Variants in PLXDC2 observed in about 807,000 individuals in gnomAD.
PLXDC2 encodes the protein plexin domain containing 2.
Under a neutral mutation model 68.9 loss-of-function variants are expected in PLXDC2, and 40 were observed. The ratio of observed to expected loss-of-function variants is 0.58; its 90% CI spans 0.45 to 0.76. The LOEUF (loss-of-function observed/expected upper bound fraction) is 0.76, where lower values mean the gene tolerates loss of function less well. Ranked by LOEUF, PLXDC2 falls within the 30% of genes least tolerant of loss-of-function variation. PLXDC2 has a pLI of 0.00. For synonymous variants in PLXDC2, 243 were observed against 234.2 expected (o/e 1.04, Z -0.34); for missense variants, 644 against 661.9 (o/e 0.97, Z 0.30).
intron 1 of PLXDC2, among the ~76,000 whole-genome samples, chr10:19,846,905 T>G (rs1014202846): frequency 6.6e-6 from 1 of 152,090 alleles, no homozygotes; most frequent in African/African-American, 2.4e-5. Context: ...GGTGTCACAA[T>G]CATGGCAGAA....
chr10:19,918,070 C>G (rs934698390), intron 1 of PLXDC2, among the ~76,000 whole-genome samples: 1 of 152,162 alleles, frequency 6.6e-6, no homozygotes, highest in African/African-American at 2.4e-5. Context: ...GATCTAAGTT[C>G]CCACACTCCA....
Position 20,012,336 on chromosome 10 carries a change from G to GTTTTTTTTTTTTTTTTTTTTTTTTTTTT in PLXDC2, c.324+10350_324+10351insTTTTTTTTTTTTTTTTTTTTTTTTTTTT, listed in dbSNP as rs1564656425. Among the ~76,000 whole-genome samples the GTTTTTTTTTTTTTTTTTTTTTTTTTTTT allele has an allele frequency of 6.0e-5, 2 of 33,158 alleles. 1 individual carries two copies. Among genetic ancestry groups the GTTTTTTTTTTTTTTTTTTTTTTTTTTTT allele is most frequent in the Non-Finnish European group, 1.2e-4 (2 of 16,858 alleles). 21.8% of individuals were successfully genotyped at this position (33,158 alleles called of 152,430 possible). On this transcript the variant is annotated intron_variant, in intron 2 of 13. Coordinates refer to ENST00000377252, the MANE Select transcript of PLXDC2 (RefSeq NM_032812.9). ...TTTTTTTTTTTTTTTTTTTTTTTTG[G>GTTTTTTTTTTTTTTTTTTTTTTTTTTTT]AGAAGGAGACTTGCTGTGTTTCCCA...
intron 4 of PLXDC2, among the ~76,000 whole-genome samples, chr10:20,136,561 A>T (rs559700936): frequency 6.6e-6 from 1 of 152,338 alleles, no homozygotes; most frequent in East Asian, 1.9e-4. Flanking sequence ...GAAGTGGAAT[A>T]TATATAAGGT....
intron 4 of PLXDC2, among the ~76,000 whole-genome samples, chr10:20,127,083 G>T (rs1393373427): frequency 6.6e-6 from 1 of 151,874 alleles, no homozygotes; most frequent in East Asian, 1.9e-4. Flanking sequence ...AGATATTTGG[G>T]TGGAAAAAAA....
At chr10:20,140,405 A>ATATCTATCTATC (rs71390760) in intron 4 of PLXDC2, among the ~76,000 whole-genome samples, 544 of 12,528 alleles carry the variant, frequency 0.043, 3 homozygotes, top group African/African-American at 0.067. Context: ...TATATATAAA[A>ATATCTATCTATC]TATCTATCTA....
intron 6 of PLXDC2, among the ~76,000 whole-genome samples, chr10:20,153,700 G>C (rs1023786603): frequency 1.3e-5 from 2 of 152,120 alleles, no homozygotes; most frequent in African/African-American, 4.8e-5. Flanking sequence ...ACCATGAGTA[G>C]CTACTTTTGT....
intron 1 of PLXDC2, among the ~76,000 whole-genome samples, chr10:19,966,410 CAT>C (rs1292896489): frequency 6.7e-6 from 1 of 149,150 alleles, no homozygotes; most frequent in African/African-American, 2.5e-5. Context: ...TATATGTGCA[CAT>C]ATATAAAAAA....
intron 9 of PLXDC2, among the ~76,000 whole-genome samples, chr10:20,198,517 A>G (rs1834872295): frequency 6.6e-6 from 1 of 152,130 alleles, no homozygotes; most frequent in African/African-American, 2.4e-5. Flanking sequence ...CACAAGAGAA[A>G]TGTCTTCAAC....
intron 2 of PLXDC2, among the ~76,000 whole-genome samples, chr10:20,020,053 G>C (rs1384088044): frequency 7.2e-6 from 1 of 138,866 alleles, no homozygotes; most frequent in South Asian, 2.2e-4. Context: ...TTGAGGCAGG[G>C]CTTGCTCTGT....
intron 1 of PLXDC2, among the ~76,000 whole-genome samples, chr10:19,913,574 G>A (rs1833313526): frequency 6.6e-6 from 1 of 152,028 alleles, no homozygotes; most frequent in South Asian, 2.1e-4. Context: ...TAACTCATTT[G>A]GTAACTTAAG....
At chr10:19,893,746 C>T (rs185785322) in intron 1 of PLXDC2, among the ~76,000 whole-genome samples, 2 of 152,308 alleles carry the variant, frequency 1.3e-5, no homozygotes, top group African/African-American at 4.8e-5. Context: ...ATAAGTGAAA[C>T]AATCCTTTAC....
rs556363368 is a variant in PLXDC2, at chr10:19,837,385, T to A, written c.112+20194T>A. Among the ~76,000 whole-genome samples the A allele has an allele frequency of 5.0e-5, 7 of 139,288 alleles. No individual in the cohort carries two copies. In the East Asian group the frequency reaches 1.3e-3, roughly 25 times the overall value. The allele number at this position is 139,288 out of a possible 152,430, so 91.4% of individuals were successfully genotyped here. ...TTGCTCTGTTTTCTCATTGAGTAAG[T>A]GAGAGAGAGAGAGAGAGAGAGAGAG... is the stretch of plus-strand genomic sequence containing the variant. On this transcript the variant is annotated intron_variant, in intron 1 of 13. Coordinates refer to ENST00000377252, the MANE Select transcript of PLXDC2 (RefSeq NM_032812.9).
At chr10:19,987,757 G>A (rs1283833688) in intron 1 of PLXDC2, among the ~76,000 whole-genome samples, 1 of 151,724 alleles carries the variant, frequency 6.6e-6, no homozygotes, top group Admixed American at 6.6e-5. Context: ...GTAGAGATGG[G>A]GTTTCACCTT....
intron 7 of PLXDC2, among the ~76,000 whole-genome samples, chr10:20,169,767 A>C (rs932904395): frequency 6.6e-6 from 1 of 152,206 alleles, no homozygotes; most frequent in East Asian, 1.9e-4. Context: ...GTAAAGAGAA[A>C]GTTACGTTAA....
chr10:20,033,213 A>G (rs541090990), intron 2 of PLXDC2, among the ~76,000 whole-genome samples: 30 of 151,998 alleles, frequency 2.0e-4, no homozygotes, highest in Middle Eastern at 3.4e-3. Context: ...AAATAAAAAA[A>G]TAAAATAAAA....
At chr10:19,964,964 T>A (rs1461428825) in intron 1 of PLXDC2, among the ~76,000 whole-genome samples, 1 of 152,210 alleles carries the variant, frequency 6.6e-6, no homozygotes, top group African/African-American at 2.4e-5. Flanking sequence ...GAATTGTTCC[T>A]GAGAGTGCTC....
chr10:19,869,079 C>G (rs1252035662), intron 1 of PLXDC2, among the ~76,000 whole-genome samples: 2 of 152,088 alleles, frequency 1.3e-5, no homozygotes, highest in African/African-American at 4.8e-5. Flanking sequence ...CAAGATTTGG[C>G]TCTATACTTT....
At chr10:19,835,191 A>G (rs1315511050) in intron 1 of PLXDC2, among the ~76,000 whole-genome samples, 2 of 152,176 alleles carry the variant, frequency 1.3e-5, no homozygotes, top group Non-Finnish European at 2.9e-5. Flanking sequence ...CAGTTGGCCC[A>G]AAGTGCTGAA....
At chr10:19,866,027 A>T (rs1241793715) in intron 1 of PLXDC2, among the ~76,000 whole-genome samples, 2 of 152,182 alleles carry the variant, frequency 1.3e-5, no homozygotes, top group Non-Finnish European at 2.9e-5. Context: ...CAATGAAAAA[A>T]ATAAATTACT....
Sources: allele counts gnomAD v4.1 joint callset (sites outside exome capture counted in the v4.1 genomes callset), GRCh38; gene constraint gnomAD v4.1.1; transcripts MANE v1.5; gene names NCBI Gene and HGNC (gene_info 2026-07-23, HGNC 2026-07-21).